Variants in MYO5C observed in about 807,000 individuals in gnomAD.
MYO5C encodes myosin VC, also known as unconventional myosin-Vc.
MYO5C carries 194 observed loss-of-function variants against 235.7 expected under a neutral mutation model. The observed-to-expected ratio is 0.82, with a 90% CI of 0.73 to 0.93. The LOEUF (loss-of-function observed/expected upper bound fraction) is 0.93, where lower values mean the gene tolerates loss of function less well. Ranked by LOEUF, MYO5C falls within the 40% of genes least tolerant of loss-of-function variation. MYO5C has a pLI of 0.00. For missense variants in MYO5C, 2,038 were observed against 2,127.2 expected (o/e 0.96, Z 0.82); for synonymous variants, 707 against 754.8 (o/e 0.94, Z 1.04).
At chr15:52,250,819 G>C (rs1333655541) in intron 13 of MYO5C, among the ~76,000 whole-genome samples, 5 of 152,204 alleles carry the variant, frequency 3.3e-5, no homozygotes, top group African/African-American at 1.2e-4. Flanking sequence ...TTTAGGGCAG[G>C]TGGTTATGGC....
intron 19 of MYO5C, chr15:52,242,529 T>TC (rs2036250598): frequency 4.3e-6 from 1 of 233,444 alleles, no homozygotes; most frequent in African/African-American, 2.2e-5. Context: ...TATTTACATA[T>TC]CCCCCACGGC....
intron 35 of MYO5C, among the ~76,000 whole-genome samples, 155 bp from the exon 36 acceptor site, chr15:52,208,798 T>C (rs1050590591): frequency 1.3e-5 from 2 of 152,234 alleles, no homozygotes; most frequent in Non-Finnish European, 1.5e-5. Context: ...TAAGAACTTA[T>C]ATTTATTTAA....
intron 30 of MYO5C, among the ~76,000 whole-genome samples, chr15:52,220,534 T>C (rs567146644): frequency 1.3e-5 from 2 of 152,152 alleles, no homozygotes; most frequent in South Asian, 4.2e-4. Context: ...AAAAAAATTT[T>C]TGGGCTGGGT....
chr15:52,287,705 G>C (rs925989609), intron 1 of MYO5C, among the ~76,000 whole-genome samples: 1 of 152,132 alleles, frequency 6.6e-6, no homozygotes, highest in Non-Finnish European at 1.5e-5. Context: ...GGCCAGGCGC[G>C]GTGGCTCACG....
intron 33 of MYO5C, 147 bp from the exon 34 acceptor site, chr15:52,213,433 C>A: frequency 3.4e-6 from 2 of 593,934 alleles, no homozygotes; most frequent in East Asian, 5.8e-5. Context: ...TGTATTGTAT[C>A]CTGAAGAATT....
chr15:52,282,042 T>G (rs186902995), intron 2 of MYO5C, among the ~76,000 whole-genome samples: 185 of 152,310 alleles, frequency 1.2e-3, no homozygotes, highest in African/African-American at 4.1e-3. Context: ...GAGGGACACT[T>G]AGAGCAAATG....
Position 52,248,762 on chromosome 15 carries a change from A to G in MYO5C, c.1684T>C (p.Phe562Leu), listed in dbSNP as rs368304342. ...ADKVEYKCEG[F>L]LEKNRDTVYD... ...ACGGTGTCTCTGTTTTTCTCCAGGA[A>G]ACCTTCACATTTATACTCTACCTAT... The change falls in exon 14 of 41, where the codon TTC (phenylalanine) becomes CTC (leucine). Residue 562 changes from phenylalanine (F) to leucine (L), a missense_variant. Coordinates refer to ENST00000261839, the MANE Select transcript of MYO5C (RefSeq NM_018728.4). 3.7e-6 allele frequency: 6 copies of G among 1,613,914 alleles called. No homozygotes were observed. The highest frequency in any genetic ancestry group is 5.1e-6 in the Non-Finnish European group (6 of 1,179,834).
intron 38 of MYO5C, among the ~76,000 whole-genome samples, chr15:52,202,735 T>G (rs537018695): frequency 6.6e-6 from 1 of 152,296 alleles, no homozygotes; most frequent in African/African-American, 2.4e-5. Flanking sequence ...CTGAAAACCA[T>G]GCCCTGCTGT....
chr15:52,270,498 C>T (rs998975815), intron 7 of MYO5C, among the ~76,000 whole-genome samples: 9 of 151,924 alleles, frequency 5.9e-5, no homozygotes, highest in African/African-American at 1.5e-4. Flanking sequence ...ATGTTTAACA[C>T]GTACGATTTG....
chr15:52,248,875 A>AG, intron 13 of MYO5C, 92 bp from the exon 14 acceptor site: 1 of 898,518 alleles, frequency 1.1e-6, no homozygotes, highest in Non-Finnish European at 1.7e-6. Context: ...AAAGATTAAT[A>AG]AAAAAGGCTA....
In MYO5C at chr15:52,232,565, A is replaced by G. The variant is rs1290622862; in HGVS notation, c.3026+57T>C. On this transcript the variant is annotated intron_variant, in intron 24 of 40. Transcript: ENST00000261839. ...CTATATGCAAACTGAGATGGAAAATATAAAACAGCACAGACAGAAGAAAGA... is the reference window on the plus strand; with the variant it reads ...CTATATGCAAACTGAGATGGAAAATGTAAAACAGCACAGACAGAAGAAAGA... The G allele has an allele frequency of 4.5e-6, 7 of 1,540,480 alleles. No homozygotes were observed. In the Admixed American group the frequency reaches 8.4e-5, roughly 18 times the overall value.
chr15:52,239,690 T>C (rs778291830), intron 21 of MYO5C, 43 bp downstream of exon 21: 60 of 1,552,242 alleles, frequency 3.9e-5, no homozygotes, highest in Non-Finnish European at 5.2e-5. Flanking sequence ...ACTACAGCCA[T>C]GTAAGAAAAA....
intron 1 of MYO5C, among the ~76,000 whole-genome samples, chr15:52,287,351 C>T (rs746508555): frequency 7.2e-5 from 11 of 152,184 alleles, no homozygotes; most frequent in East Asian, 1.9e-4. Flanking sequence ...CTTGTTGCCA[C>T]GGGCTACACA....
chr15:52,203,251 A>G (rs2035228459), intron 38 of MYO5C, among the ~76,000 whole-genome samples: 1 of 152,030 alleles, frequency 6.6e-6, no homozygotes, highest in South Asian at 2.1e-4. Context: ...CAGGCATGCA[A>G]TGTGAAATAA....
chr15:52,260,945 G>A lies in MYO5C; in HGVS notation c.1230C>T (p.Phe410=), dbSNP rs779464161. The change falls in exon 10 of 41, where the codon TTC becomes TTT. Residue 410 remains phenylalanine, a synonymous_variant. Transcript: ENST00000261839. Reference sequence around the variant, plus strand: ...GGTTAATTCTCTCCACAATGAAGTCGAACAGGTGAGCATAGATCTTTTTGG... The same window carrying A: ...GGTTAATTCTCTCCACAATGAAGTCAAACAGGTGAGCATAGATCTTTTTGG... The part of the protein sequence containing the change: ...ALAKKIYAHL[F]DFIVERINQA... The A allele has an allele frequency of 5.6e-5, 91 of 1,614,068 alleles. No homozygotes were observed. Among genetic ancestry groups the A allele is most frequent in the Non-Finnish European group, 6.8e-5 (80 of 1,180,034 alleles).
chr15:52,237,766 C>T (rs1311688937), intron 21 of MYO5C, 120 bp from the exon 22 acceptor site: 25 of 871,030 alleles, frequency 2.9e-5, no homozygotes, highest in South Asian at 5.1e-5. Flanking sequence ...GCTGATCACA[C>T]TTATCACTGC....
chr15:52,200,532 T>C (rs1222091185), intron 38 of MYO5C, among the ~76,000 whole-genome samples: 1 of 151,806 alleles, frequency 6.6e-6, no homozygotes, highest in Non-Finnish European at 1.5e-5. Flanking sequence ...GCTGCTGCAC[T>C]CAAGCTTGGG....
intron 33 of MYO5C, chr15:52,213,610 T>G (rs2035496387): frequency 4.7e-6 from 1 of 210,916 alleles, no homozygotes; most frequent in African/African-American, 2.3e-5. Context: ...CCAATGCTAC[T>G]GTGAAAGAAG....
At chr15:52,198,185 A>T (rs2035097554) in intron 38 of MYO5C, among the ~76,000 whole-genome samples, 1 of 152,108 alleles carries the variant, frequency 6.6e-6, no homozygotes, top group South Asian at 2.1e-4. Flanking sequence ...ATACAAAAAA[A>T]TTAGCTGGGT....
Sources: gnomAD v4.1 joint callset for allele counts (sites outside exome capture counted in the v4.1 genomes callset) on GRCh38, gnomAD v4.1.1 for gene constraint, MANE v1.5 for transcripts, NCBI Gene and HGNC (gene_info 2026-07-23, HGNC 2026-07-21) for gene names.